CCSER1: variants seen among roughly 807,000 people sequenced by gnomAD.
CCSER1 encodes the protein serine-rich coiled-coil domain-containing protein 1.
Under a neutral mutation model 82.0 loss-of-function variants are expected in CCSER1, and 41 were observed. That is an observed-to-expected ratio of 0.50 (90% CI 0.39 to 0.65). The LOEUF is 0.65. Among genes scored for constraint, CCSER1 ranks in the 30% least tolerant of loss-of-function variants. CCSER1 has a pLI of 0.00. For synonymous variants in CCSER1, 414 were observed against 383.9 expected, an observed-to-expected ratio of 1.08 and a Z score of -0.92; for missense variants, 1,119 against 1,064.2, an observed-to-expected ratio of 1.05 and a Z score of -0.72.
intron 5 of CCSER1, among the ~76,000 whole-genome samples, chr4:90,534,019 G>A (rs1774958541): frequency 6.6e-6 from 1 of 152,194 alleles, no homozygotes; most frequent in Admixed American, 6.5e-5. Context: ...TTCAGTACCA[G>A]GTCTTCGAGT....
At chr4:91,589,262 G>T (rs1275047038) in intron 10 of CCSER1, among the ~76,000 whole-genome samples, 1 of 151,716 alleles carries the variant, frequency 6.6e-6, no homozygotes, top group Non-Finnish European at 1.5e-5. Flanking sequence ...TTGTAAGATA[G>T]AATCATTTAA....
intron 10 of CCSER1, among the ~76,000 whole-genome samples, chr4:91,225,802 C>T (rs1165004037): frequency 1.3e-5 from 2 of 151,746 alleles, no homozygotes; most frequent in Non-Finnish European, 2.9e-5. Flanking sequence ...AATTGTCTTA[C>T]ATTGCATACT....
At chr4:90,346,042 CT>C (rs1279255756) in intron 3 of CCSER1, among the ~76,000 whole-genome samples, 1 of 151,952 alleles carries the variant, frequency 6.6e-6, no homozygotes, top group Non-Finnish European at 1.5e-5. Context: ...AAATACCCTA[CT>C]TTTTTTCTGC....
At position 90,700,329 on chromosome 4, in the gene CCSER1, T is replaced by A. The variant is rs1737815536; in HGVS notation, c.1933-23585T>A. ...CAAAGGACATGAACTCATCCTTTTT[T>A]ATGGCTGCATAGTATTCCATGGTAT... On this transcript the variant is annotated intron_variant, in intron 6 of 10. Coordinates refer to ENST00000509176, the MANE Select transcript of CCSER1 (RefSeq NM_001145065.2). 3.9e-5 allele frequency among the ~76,000 whole-genome samples: 6 copies of A among 152,318 alleles called. No homozygotes were observed. In the South Asian group the frequency reaches 1.2e-3, roughly 32 times the overall value.
chr4:90,549,468 A>G (rs1777188608), intron 5 of CCSER1, among the ~76,000 whole-genome samples: 1 of 151,986 alleles, frequency 6.6e-6, no homozygotes, highest in Admixed American at 6.6e-5. Flanking sequence ...AGAGTATTTC[A>G]GGTGATCATT....
chr4:90,440,996 G>C (rs1332914438), intron 4 of CCSER1, among the ~76,000 whole-genome samples: 1 of 152,126 alleles, frequency 6.6e-6, no homozygotes, highest in African/African-American at 2.4e-5. Flanking sequence ...AAAGATAGCA[G>C]TGCAAGGTAA....
chr4:91,318,602 T>C (rs116627165), intron 10 of CCSER1, among the ~76,000 whole-genome samples: 2,697 of 152,126 alleles, frequency 0.018, 73 homozygotes, highest in African/African-American at 0.061. Context: ...AGGACTTATG[T>C]GAAAACTTCA....
chr4:91,339,559 T>G (rs1747557749), intron 10 of CCSER1, among the ~76,000 whole-genome samples: 1 of 152,202 alleles, frequency 6.6e-6, no homozygotes, highest in South Asian at 2.1e-4. Context: ...TTGACTTCAG[T>G]CTCTGCTTTT....
chr4:90,217,991 G>C (rs1741419383), intron 1 of CCSER1, among the ~76,000 whole-genome samples: 2 of 151,750 alleles, frequency 1.3e-5, no homozygotes, highest in South Asian at 2.1e-4. Flanking sequence ...ATGTAGGTGG[G>C]GGTCTTACTA....
intron 3 of CCSER1, among the ~76,000 whole-genome samples, chr4:90,325,922 T>A (rs974261393): frequency 1.3e-5 from 2 of 152,300 alleles, no homozygotes; most frequent in African/African-American, 4.8e-5. Context: ...ATATTCATAC[T>A]CTTTTTAAGT....
At position 90,857,164 on chromosome 4, in the gene CCSER1, C is replaced by T. The variant is rs75913758; in HGVS notation, c.2094+41319C>T. On this transcript the variant is annotated intron_variant, in intron 8 of 10. Coordinates refer to ENST00000509176, the MANE Select transcript of CCSER1 (RefSeq NM_001145065.2). ...CTCCCAATTTCTGTGAATCAGGTAT[C>T]TGGAAGTAGCTTAGCTGAGTCCTTT... 1.2e-4 allele frequency among the ~76,000 whole-genome samples: 19 copies of T among 152,136 alleles called. No individual in the cohort carries two copies. The East Asian group carries it at 3.7e-3, about 29-fold the overall frequency.
At position 91,360,778 on chromosome 4, in the gene CCSER1, T is replaced by C. The variant is rs1749196304; in HGVS notation, c.2218-237794T>C. Reference sequence around the variant, plus strand: ...GACACATTTTTTCCAACTTTTCTTCTTTATTGGATGTCTCATTTATATGAG... The same window carrying C: ...GACACATTTTTTCCAACTTTTCTTCCTTATTGGATGTCTCATTTATATGAG... On this transcript the variant is annotated intron_variant, in intron 10 of 10. Transcript: ENST00000509176. 1.3e-5 allele frequency among the ~76,000 whole-genome samples: 2 copies of C among 151,918 alleles called. 1 individual carries two copies. The highest frequency in any genetic ancestry group is 4.8e-5 in the African/African-American group (2 of 41,408).
At chr4:90,247,824 T>C (rs943046869) in intron 1 of CCSER1, among the ~76,000 whole-genome samples, 11 of 152,062 alleles carry the variant, frequency 7.2e-5, no homozygotes, top group African/African-American at 2.7e-4. Flanking sequence ...TGCACTTCTT[T>C]TATTTTTAGA....
chr4:90,299,979 T>G (rs894471727), intron 1 of CCSER1, among the ~76,000 whole-genome samples: 5 of 152,124 alleles, frequency 3.3e-5, no homozygotes, highest in African/African-American at 1.2e-4. Flanking sequence ...GTTGTTTTTT[T>G]GGGGATCTTC....
At chr4:90,323,890 G>A (rs1190097104) in intron 3 of CCSER1, among the ~76,000 whole-genome samples, 9 of 151,952 alleles carry the variant, frequency 5.9e-5, no homozygotes, top group Non-Finnish European at 8.8e-5. Flanking sequence ...TCATTGTTCA[G>A]TTCCCATCTA....
intron 10 of CCSER1, among the ~76,000 whole-genome samples, chr4:91,121,121 T>C (rs907393487): frequency 1.9e-5 from 2 of 107,572 alleles, no homozygotes; most frequent in African/African-American, 3.6e-5. Context: ...TTTGCTGACA[T>C]CTTTTTTTTT....
chr4:90,418,044 C>G (rs79923214), intron 4 of CCSER1, among the ~76,000 whole-genome samples: 2,702 of 152,164 alleles, frequency 0.018, 47 homozygotes, highest in African/African-American at 0.036. Flanking sequence ...AATATGGATG[C>G]TGGCTCTGGA....
chr4:91,194,607 CAG>C (rs1343135795), intron 10 of CCSER1, among the ~76,000 whole-genome samples: 1 of 152,008 alleles, frequency 6.6e-6, no homozygotes, highest in Non-Finnish European at 1.5e-5. Context: ...AAATGTGAAA[CAG>C]AAATAAATTT....
chr4:90,210,584 C>T (rs1739792946), intron 1 of CCSER1, among the ~76,000 whole-genome samples: 1 of 152,034 alleles, frequency 6.6e-6, no homozygotes, highest in African/African-American at 2.4e-5. Flanking sequence ...GCTGAGACTA[C>T]AGGCATGTGC....
Sources: gnomAD v4.1 joint callset for allele counts (sites outside exome capture counted in the v4.1 genomes callset) on GRCh38, gnomAD v4.1.1 for gene constraint, MANE v1.5 for transcripts, NCBI Gene and HGNC (gene_info 2026-07-23, HGNC 2026-07-21) for gene names.